The following PRCP variants were observed in gnomAD, a reference collection of about 807,000 sequenced individuals.
PRCP encodes the protein prolylcarboxypeptidase, also known as lysosomal Pro-X carboxypeptidase.
PRCP carries 46 observed loss-of-function variants against 54.2 expected under a neutral mutation model. That is an observed-to-expected ratio of 0.85 (90% confidence interval 0.67 to 1.09). PRCP has a LOEUF of 1.09. Among genes scored for constraint, PRCP ranks in the 50% least tolerant of loss-of-function variants. The pLI, the probability that PRCP is intolerant of heterozygous loss-of-function variation, is 0.00. For synonymous variants in PRCP, 240 were observed against 212.2 expected (o/e 1.13, Z -1.14); for missense variants, 613 against 596.8 (o/e 1.03, Z -0.28).
chr11:82,874,782 G>T (rs1859564456), intron 1 of PRCP, among the ~76,000 whole-genome samples: 1 of 151,944 alleles, frequency 6.6e-6, no homozygotes, highest in Non-Finnish European at 1.5e-5. Context: ...CTTCTAACAG[G>T]GTGGTCAGAA....
chr11:82,845,312 T>C (rs1213074326), intron 6 of PRCP, among the ~76,000 whole-genome samples: 1 of 151,812 alleles, frequency 6.6e-6, no homozygotes, highest in Non-Finnish European at 1.5e-5. Flanking sequence ...TTCCTACCTA[T>C]GAGAGTACAC....
chr11:82,879,323 C>A (rs1301701373), intron 1 of PRCP, among the ~76,000 whole-genome samples: 73 of 152,324 alleles, frequency 4.8e-4, no homozygotes, highest in Admixed American at 2.0e-4. Context: ...ATTGAATCAG[C>A]TGCTGAAGCT....
chr11:82,884,106 A>G (rs776774512), intron 1 of PRCP, among the ~76,000 whole-genome samples: 1 of 152,242 alleles, frequency 6.6e-6, no homozygotes, highest in Non-Finnish European at 1.5e-5. Flanking sequence ...GCATAAAAAT[A>G]TAAATTCACT....
chr11:82,859,853 A>T, intron 2 of PRCP, 124 bp downstream of exon 2: 2 of 990,042 alleles, frequency 2.0e-6, no homozygotes. Context: ...TTTTTTTGTT[A>T]TTTTTTACAG....
At chr11:82,861,652 C>A (rs1859210230) in intron 1 of PRCP, among the ~76,000 whole-genome samples, 1 of 151,870 alleles carries the variant, frequency 6.6e-6, no homozygotes. Flanking sequence ...TTCCAGGTTC[C>A]AGGAAATATA....
chr11:82,870,593 G>A (rs1181650540), intron 1 of PRCP, among the ~76,000 whole-genome samples: 1 of 152,178 alleles, frequency 6.6e-6, no homozygotes, highest in African/African-American at 2.4e-5. Context: ...AAGGGACAAA[G>A]TAATCTATTA....
intron 1 of PRCP, among the ~76,000 whole-genome samples, chr11:82,869,151 T>C (rs920875701): frequency 2.0e-5 from 3 of 147,546 alleles, no homozygotes; most frequent in Middle Eastern, 3.2e-3. Flanking sequence ...AGCCCAGGAG[T>C]TCAAGACCAG....
chr11:82,900,328 G>T lies in PRCP; in HGVS notation c.75C>A (p.Ala25=), dbSNP rs767110859. Reference sequence around the variant, plus strand: ...AGTGTAGGCTGCCGAGGGCCCTTAAGGCCGGCCGGAGGGCTATGGTGGCCC... The same window carrying T: ...AGTGTAGGCTGCCGAGGGCCCTTAATGCCGGCCGGAGGGCTATGGTGGCCC... The part of the protein sequence containing the change: ...APWATIALRP[A]LRALGSLHLP... Residue 25 remains alanine, a synonymous_variant, in exon 1 of 9, where the codon GCC becomes GCA. Coordinates refer to ENST00000313010, the MANE Select transcript of PRCP (RefSeq NM_005040.4). The T allele has an allele frequency of 6.2e-7, 1 of 1,614,210 alleles. No homozygotes were observed. The highest frequency in any genetic ancestry group is 8.5e-7 in the Non-Finnish European group (1 of 1,180,032).
intron 8 of PRCP, chr11:82,835,550 G>C (rs1351517870): frequency 3.5e-6 from 1 of 285,174 alleles, no homozygotes; most frequent in African/African-American, 2.3e-5. Context: ...CTATGAGCAA[G>C]AAGAAAAAGA....
At chr11:82,826,183 T>G (rs967840948) in intron 8 of PRCP, 1 of 152,240 alleles carries the variant, frequency 6.6e-6, no homozygotes, top group East Asian at 1.9e-4. Flanking sequence ...ATCTATAGAT[T>G]TGCCTATTCT....
intron 1 of PRCP, among the ~76,000 whole-genome samples, chr11:82,883,395 G>A (rs1363629066): frequency 6.6e-6 from 1 of 152,124 alleles, no homozygotes; most frequent in Non-Finnish European, 1.5e-5. Flanking sequence ...CACTATGTAA[G>A]CCACAACCCA....
chr11:82,856,143 C>CA (rs1159429555), intron 2 of PRCP, among the ~76,000 whole-genome samples: 1 of 151,838 alleles, frequency 6.6e-6, no homozygotes, highest in African/African-American at 2.4e-5. Flanking sequence ...CTTTTCTCTA[C>CA]AAAAAATAAA....
intron 1 of PRCP, among the ~76,000 whole-genome samples, chr11:82,863,730 A>G (rs1347598744): frequency 6.6e-6 from 1 of 152,240 alleles, no homozygotes; most frequent in Non-Finnish European, 1.5e-5. Flanking sequence ...AGTTCTTGCC[A>G]GAGAAACACT....
chr11:82,857,465 C>T (rs554815711), intron 2 of PRCP, among the ~76,000 whole-genome samples: 51 of 152,322 alleles, frequency 3.3e-4, no homozygotes, highest in Middle Eastern at 3.4e-3. Context: ...TCATCAAGAG[C>T]TGTTAGATCT....
intron 1 of PRCP, among the ~76,000 whole-genome samples, chr11:82,888,328 C>T (rs1243129781): frequency 1.3e-5 from 2 of 152,210 alleles, no homozygotes; most frequent in African/African-American, 4.8e-5. Context: ...AGAGACACAG[C>T]TGCTGCTTCT....
chr11:82,843,585 C>G (rs1482906901), intron 6 of PRCP, among the ~76,000 whole-genome samples: 1 of 83,926 alleles, frequency 1.2e-5, no homozygotes, highest in Non-Finnish European at 2.4e-5. Flanking sequence ...ACAACCATCT[C>G]TGTCCAAAAT....
chr11:82,869,794 G>C (rs1221961505), intron 1 of PRCP, among the ~76,000 whole-genome samples: 1 of 152,212 alleles, frequency 6.6e-6, no homozygotes, highest in Non-Finnish European at 1.5e-5. Flanking sequence ...TATTGGGTGG[G>C]TCTGTTCCCA....
chr11:82,845,526 GATA>G (rs1858787397), intron 6 of PRCP: 1 of 152,132 alleles, frequency 6.6e-6, no homozygotes, highest in Non-Finnish European at 1.5e-5. Context: ...CACTCACTCA[GATA>G]ATCACATTAG....
chr11:82,835,776 T>G, intron 8 of PRCP: 1 of 440,066 alleles, frequency 2.3e-6, no homozygotes, highest in Non-Finnish European at 4.5e-6. Context: ...GCTGAAGAAG[T>G]TGTAAAGGAT....
Sources: gnomAD v4.1 joint callset for allele counts (sites outside exome capture counted in the v4.1 genomes callset) on GRCh38, gnomAD v4.1.1 for gene constraint, MANE v1.5 for transcripts, NCBI Gene and HGNC (gene_info 2026-07-23, HGNC 2026-07-21) for gene names.